Variants in RYR1 observed in about 807,000 individuals in gnomAD.
RYR1 encodes ryanodine receptor 1, also known as central core disease of muscle.
Under a neutral mutation model 583.5 loss-of-function variants are expected in RYR1, and 342 were observed. The observed-to-expected ratio is 0.59, with a 90% confidence interval of 0.54 to 0.64. The LOEUF is 0.64. Ranked by LOEUF, RYR1 falls within the 30% of genes least tolerant of loss-of-function variation. The pLI is 0.00. For synonymous variants in RYR1, 2,791 were observed against 2,822.5 expected (o/e 0.99, Z 0.35); for missense variants, 6,032 against 6,917.2 (o/e 0.87, Z 4.54).
chr19:38,462,242 G>A (rs1461420453), intron 20 of RYR1, among the ~76,000 whole-genome samples: 1 of 152,188 alleles, frequency 6.6e-6, no homozygotes, highest in Non-Finnish European at 1.5e-5. Flanking sequence ...ATAACACCCT[G>A]ATATCTGATA....
In RYR1 at chr19:38,586,203, C is replaced by T. The variant is rs373040491; in HGVS notation, c.14969+12C>T. ...CTGGCCAATTACATGTGAGCAGACA[C>T]ACTGGCCAGTCAGGAGGGTGGGGGG... is the stretch of plus-strand genomic sequence containing the variant. On this transcript the variant is annotated intron_variant, in intron 104 of 105. Coordinates refer to ENST00000359596, the MANE Select transcript of RYR1 (RefSeq NM_000540.3). 38 of 1,611,070 alleles carry T rather than the reference C, an allele frequency of 2.4e-5. No individual in the cohort carries two copies. The highest frequency in any genetic ancestry group is 3.1e-5 in the Non-Finnish European group (37 of 1,178,258).
chr19:38,506,474 A>G lies in RYR1; in HGVS notation c.8620A>G (p.Met2874Val). 1 of 1,614,132 alleles carries G rather than the reference A, an allele frequency of 6.2e-7. No homozygotes were observed. Among genetic ancestry groups the G allele is most frequent in the Non-Finnish European group, 8.5e-7 (1 of 1,180,026 alleles). ...TTGACTCTGCATCCACTCCCAGGCC[A>G]TGGCAGAACAACTGGCAGAAAATTA... ...AVTLSRELQAMAEQLAENYHN... is the reference protein window; with the variant it reads ...AVTLSRELQAVAEQLAENYHN... The change falls in exon 56 of 106, where the codon ATG (methionine) becomes GTG (valine). Residue 2874 changes from methionine to valine, a missense_variant. Physicochemically the swap from Met to Val is conservative, Grantham distance 21 (BLOSUM62 1). This residue lies in a region of RYR1 where 1,493 missense variants were observed against 1,715.5 expected (regional missense o/e 0.87). Transcript: ENST00000359596.
In RYR1 at chr19:38,572,251, T is replaced by C. The variant is rs1182844727; in HGVS notation, c.13979T>C (p.Ile4660Thr). 1.2e-6 allele frequency: 2 copies of C among 1,610,318 alleles called. No homozygotes were observed. Among genetic ancestry groups the C allele is most frequent in the Admixed American group, 3.4e-5 (2 of 59,594 alleles). The change falls in exon 95 of 106, where the codon ATT becomes ACT. Residue 4660 changes from isoleucine to threonine, a missense_variant. Ile to Thr is a moderately conservative substitution (Grantham distance 89, BLOSUM62 -1). Coordinates refer to ENST00000359596, the MANE Select transcript of RYR1 (RefSeq NM_000540.3). ...LHTLVAFLCI[I>T]GYNCLKVPLV... ...ACACTGGTGGCCTTTCTCTGCATCA[T>C]TGGCTATAATTGTCTCAAGGTGGGC...
chr19:38,477,944 T>A, intron 30 of RYR1, 74 bp downstream of exon 30: 1 of 1,448,536 alleles, frequency 6.9e-7, no homozygotes, highest in Non-Finnish European at 9.5e-7. Context: ...CGACACCAGC[T>A]CTGTGGCTGC....
intron 27 of RYR1, among the ~76,000 whole-genome samples, chr19:38,470,530 A>T (rs779833074): frequency 6.9e-4 from 105 of 152,220 alleles, no homozygotes; most frequent in Non-Finnish European, 4.3e-4. Flanking sequence ...ACTTGAGCCC[A>T]GAAGTTCAAG....
intron 64 of RYR1, 37 bp from the exon 65 acceptor site, chr19:38,516,050 G>A (rs1371862370): frequency 6.5e-7 from 1 of 1,539,818 alleles, no homozygotes; most frequent in Admixed American, 2.0e-5. Flanking sequence ...CCCAAAGAGG[G>A]GGACACGTGG....
At position 38,496,223 on chromosome 19, in the gene RYR1, T is replaced by A; in HGVS notation, c.6557T>A (p.Met2186Lys). Reference sequence around the variant, plus strand: ...ACTCTGCCCGTGCACAGGAACATCATGAACAACAAAGTCTTCTACCAACAC... The same window carrying A: ...ACTCTGCCCGTGCACAGGAACATCAAGAACAACAAAGTCTTCTACCAACAC... Reference protein sequence around the residue: ...NLMIQSIGNIMNNKVFYQHPN... With the variant: ...NLMIQSIGNIKNNKVFYQHPN... Residue 2186 changes from methionine (M) to lysine (K), a missense_variant, in exon 40 of 106, where the codon ATG (methionine) becomes AAG (lysine). Transcript: ENST00000359596. This position sits in a 1 kb window ranked among gnomAD's most constrained non-coding sequence, Gnocchi z 4.8. 6.2e-7 allele frequency: 1 copy of A among 1,613,640 alleles called. No homozygotes were observed.
chr19:38,553,678 A>G (rs1972761517), intron 89 of RYR1, among the ~76,000 whole-genome samples: 2 of 152,168 alleles, frequency 1.3e-5, no homozygotes, highest in Admixed American at 1.3e-4. Flanking sequence ...ATCAAAATAC[A>G]GCAAGGCGTG....
rs1266120073 is a variant in RYR1 at position 38,565,582 on chromosome 19, G to T, written c.13248G>T (p.Ala4416=). Residue 4416 remains alanine (A), a synonymous_variant, in exon 91 of 106, where the codon GCG becomes GCT. Coordinates refer to ENST00000359596, the MANE Select transcript of RYR1 (RefSeq NM_000540.3). The surrounding 1 kb of genome is among the most constrained non-coding windows in gnomAD (Gnocchi z 4.7). ...CCAGCGAGGGCGCTGGAGACGCCGC[G>T]GAGGGCGCTGGAGACGAGGAGGAGG... The part of the protein sequence containing the change: ...EGASEGAGDA[A]EGAGDEEEAV... 2 of 1,463,310 alleles carry T rather than the reference G, an allele frequency of 1.4e-6. No homozygotes were observed. Among genetic ancestry groups the T allele is most frequent in the African/African-American group, 2.9e-5 (2 of 67,952 alleles). The allele number at this position is 1,463,310 out of a possible 1,614,324, so 90.6% of individuals were successfully genotyped here. A position where few individuals can be genotyped will look rare whatever the true frequency, so the allele number is the denominator to read the frequency against.
intron 21 of RYR1, 33 bp from the exon 22 acceptor site, chr19:38,463,714 G>A (rs764242894): frequency 6.3e-7 from 1 of 1,589,660 alleles, no homozygotes; most frequent in Non-Finnish European, 8.6e-7. Context: ...AAGGAAAGGG[G>A]AGCACATGGA....
intron 97 of RYR1, among the ~76,000 whole-genome samples, chr19:38,577,058 G>T (rs1973988000): frequency 6.6e-6 from 1 of 151,884 alleles, no homozygotes. Flanking sequence ...GCTAATTTTT[G>T]TATTTTTAGT....
intron 71 of RYR1, among the ~76,000 whole-genome samples, chr19:38,525,840 T>C: frequency 7.4e-6 from 1 of 135,666 alleles, no homozygotes; most frequent in East Asian, 2.2e-4. Context: ...ACCCTGAGAG[T>C]CCCCCCAACA....
chr19:38,548,268 G>A lies in RYR1; in HGVS notation c.12130G>A (p.Val4044Met). The A allele has an allele frequency of 1.2e-6, 2 of 1,614,238 alleles. No individual in the cohort carries two copies. Among genetic ancestry groups the A allele is most frequent in the Non-Finnish European group, 1.7e-6 (2 of 1,180,040 alleles). ...GAACGGCATGATCGCCCGGCAGATG[G>A]TGGACATGCTCGTGGAATCCTCATC... ...VVNGMIARQM[V>M]DMLVESSSNV... is the part of the protein sequence containing the mutation. Residue 4044 changes from valine (V) to methionine (M), a missense_variant, in exon 89 of 106, where the codon GTG becomes ATG. Val to Met is a conservative substitution (Grantham distance 21, BLOSUM62 1). Coordinates refer to ENST00000359596, the MANE Select transcript of RYR1 (RefSeq NM_000540.3).
At position 38,499,761 on chromosome 19, in the gene RYR1, G is replaced by T; in HGVS notation, c.7154G>T (p.Arg2385Leu). The change falls in exon 44 of 106, where the codon CGC (arginine) becomes CTC (leucine). Residue 2385 changes from arginine to leucine, a missense_variant. By Grantham distance (102) the Arg-to-Leu change is moderately radical (BLOSUM62 -2). Coordinates refer to ENST00000359596, the MANE Select transcript of RYR1 (RefSeq NM_000540.3). The surrounding 1 kb of genome is among the most constrained non-coding windows in gnomAD (Gnocchi z 7.3). ...GLLAAIEEAI[R>L]ISEDPARDGP... ...CTGGCTGCCATCGAAGAGGCCATCCGCATCTCCGAGGACCCTGCGAGGGAT... is the reference window on the plus strand; with the variant it reads ...CTGGCTGCCATCGAAGAGGCCATCCTCATCTCCGAGGACCCTGCGAGGGAT... The T allele has an allele frequency of 6.2e-7, 1 of 1,601,838 alleles. No individual in the cohort carries two copies. Among genetic ancestry groups the T allele is most frequent in the Non-Finnish European group, 8.5e-7 (1 of 1,178,940 alleles).
At chr19:38,502,024 G>GTGC (rs2145610799) in intron 47 of RYR1, among the ~76,000 whole-genome samples, 1 of 151,988 alleles carries the variant, frequency 6.6e-6, no homozygotes, top group Non-Finnish European at 1.5e-5. Context: ...AGGCATGGAG[G>GTGC]TGCGTCCCTG....
Position 38,518,295 on chromosome 19 carries a change from C to T in RYR1, c.10018+604C>T, listed in dbSNP as rs111674970. Among the ~76,000 whole-genome samples the T allele has an allele frequency of 4.2e-3, 640 of 151,198 alleles. 4 individuals are homozygous for T. Among genetic ancestry groups the T allele is most frequent in the African/African-American group, 0.015 (603 of 41,162 alleles). On this transcript the variant is annotated intron_variant, in intron 66 of 105. Transcript: ENST00000359596. ...CATGTCAGGGCCAGGCACAATGGCT[C>T]ATGCCTGTAATCCCAGCACTTTGAG...
At chr19:38,440,673 G>A in intron 1 of RYR1, 72 bp from the exon 2 acceptor site, 2 of 1,566,662 alleles carry the variant, frequency 1.3e-6, no homozygotes, top group Non-Finnish European at 1.7e-6. Flanking sequence ...GTGGGAGGAG[G>A]GGCCTGTGGT....
At position 38,463,831 on chromosome 19, in the gene RYR1, A is replaced by C; in HGVS notation, c.2767A>C (p.Met923Leu). Reference sequence around the variant, plus strand: ...GCCTGAGAGGAACTACAACCTGCAGATGTCTGGGGAGACGCTCAAGTGAGG... The same window carrying C: ...GCCTGAGAGGAACTACAACCTGCAGCTGTCTGGGGAGACGCTCAAGTGAGG... Reference protein sequence around the residue: ...PEPERNYNLQMSGETLKTLLA... With the variant: ...PEPERNYNLQLSGETLKTLLA... The change falls in exon 22 of 106, where the codon ATG (methionine) becomes CTG (leucine). Residue 923 changes from methionine (M) to leucine (L), a missense_variant. By Grantham distance (15) the Met-to-Leu change is conservative (BLOSUM62 2). Transcript: ENST00000359596. 1 of 1,601,500 alleles carries C rather than the reference A, an allele frequency of 6.2e-7. No homozygotes were observed. The highest frequency in any genetic ancestry group is 8.5e-7 in the Non-Finnish European group (1 of 1,172,560).
intron 26 of RYR1, 53 bp downstream of exon 26, chr19:38,469,193 C>T (rs1169383103): frequency 2.5e-6 from 4 of 1,609,852 alleles, no homozygotes; most frequent in African/African-American, 2.7e-5. Context: ...CTGTCTCTCC[C>T]AACCCTGCAC....
Sources: allele counts gnomAD v4.1 joint callset (sites outside exome capture counted in the v4.1 genomes callset), GRCh38; gene constraint gnomAD v4.1.1; regional missense constraint gnomAD v4.1.1; non-coding constraint Gnocchi (gnomAD v3.1); transcripts MANE v1.5; gene names NCBI Gene and HGNC (gene_info 2026-07-23, HGNC 2026-07-21).